The following DNAH17 variants were observed in gnomAD, a reference collection of about 807,000 sequenced individuals.
The protein encoded by DNAH17 is axonemal beta dynein heavy chain 17.
Under a neutral mutation model 485.6 loss-of-function variants are expected in DNAH17, and 376 were observed. That is an observed-to-expected ratio of 0.77 (90% CI 0.71 to 0.84). DNAH17 has a LOEUF of 0.84. Among genes scored for constraint, DNAH17 ranks in the 40% least tolerant of loss-of-function variants. DNAH17 has a pLI of 0.00. For missense variants in DNAH17, 6,370 were observed against 5,839.3 expected, an observed-to-expected ratio of 1.09 and a Z score of -2.96; for synonymous variants, 3,031 against 2,405.9, an observed-to-expected ratio of 1.26 and a Z score of -7.60.
At chr17:78,533,806 T>G (rs2091302684) in intron 19 of DNAH17, among the ~76,000 whole-genome samples, 1 of 152,248 alleles carries the variant, frequency 6.6e-6, no homozygotes, top group Non-Finnish European at 1.5e-5. Context: ...TGCCTCAGCC[T>G]CCCAAATAGC....
chr17:78,550,047 C>T (rs1364581271), intron 16 of DNAH17, among the ~76,000 whole-genome samples: 1 of 152,172 alleles, frequency 6.6e-6, no homozygotes, highest in Non-Finnish European at 1.5e-5. Context: ...CAGAGACAGA[C>T]AAGAGACCTG....
In DNAH17 at chr17:78,439,113, T is replaced by G. The variant is rs766506779; in HGVS notation, c.11782A>C (p.Lys3928Gln). Residue 3928 changes from lysine to glutamine, a missense_variant, in exon 73 of 81, where the codon AAA becomes CAA. Coordinates refer to ENST00000389840, the MANE Select transcript of DNAH17 (RefSeq NM_173628.4). ...ACCTGCAGAATGACCCAGTGTCCTT[T>G]CTCTGCAGCCACGTCCAGGGCGTTC... ...AENALDVAAEKGHWVILQNIH... is the reference protein window; with the variant it reads ...AENALDVAAEQGHWVILQNIH... 1.9e-6 allele frequency: 3 copies of G among 1,613,514 alleles called. No homozygotes were observed. In the East Asian group the frequency reaches 6.7e-5, roughly 36 times the overall value.
chr17:78,550,743 C>T (rs967011243), intron 16 of DNAH17, among the ~76,000 whole-genome samples: 4 of 150,130 alleles, frequency 2.7e-5, no homozygotes, highest in African/African-American at 9.7e-5. Context: ...CCCTAGCAAA[C>T]ACACACAGGG....
intron 35 of DNAH17, chr17:78,500,817 G>A (rs1266231994): frequency 2.2e-5 from 5 of 223,874 alleles, no homozygotes; most frequent in Non-Finnish European, 3.5e-5. Context: ...ATGGGAGAGG[G>A]CAGAAAACCT....
intron 56 of DNAH17, among the ~76,000 whole-genome samples, chr17:78,465,770 G>A (rs2088411602): frequency 7.1e-6 from 1 of 140,942 alleles, no homozygotes. Context: ...GGGGCGGTCA[G>A]CCCCCGCCAG....
intron 72 of DNAH17, 39 bp downstream of exon 72, chr17:78,441,012 A>G (rs1263466028): frequency 6.4e-7 from 1 of 1,552,444 alleles, no homozygotes; most frequent in African/African-American, 1.4e-5. Context: ...TGCTGACAAT[A>G]CTCCGTCTTT....
chr17:78,502,727 G>T (rs764412090), intron 32 of DNAH17, 29 bp from the exon 33 acceptor site: 2 of 1,602,954 alleles, frequency 1.2e-6, no homozygotes, highest in South Asian at 1.1e-5. Context: ...CATTGCCCAC[G>T]CAGTGAGCGA....
Position 78,450,314 on chromosome 17 carries a change from CAG to C in DNAH17, c.10978_10979del (p.Leu3660AlafsTer27). 1 of 1,614,038 alleles carries C rather than the reference CAG, an allele frequency of 6.2e-7. No homozygotes were observed. Among genetic ancestry groups the C allele is most frequent in the Non-Finnish European group, 8.5e-7 (1 of 1,179,890 alleles). On this transcript the variant is annotated frameshift_variant, in exon 68 of 81. Coordinates refer to ENST00000389840, the MANE Select transcript of DNAH17 (RefSeq NM_173628.4). LOFTEE classifies it high-confidence loss of function. ...NYRPAAERAS[L>X]LYFILNDLNK... ...TGAGATCGTTCAGTATGAAGTAGAG[CAG>C]AGATGCCCTCTCCGCAGCCGGGCGG...
chr17:78,558,853 C>T (rs189940537), intron 13 of DNAH17, among the ~76,000 whole-genome samples: 4 of 152,344 alleles, frequency 2.6e-5, no homozygotes, highest in African/African-American at 9.6e-5. Flanking sequence ...AAGCTATTCT[C>T]AAAGTTGAGA....
intron 75 of DNAH17, among the ~76,000 whole-genome samples, chr17:78,430,100 C>T (rs557725532): frequency 6.6e-6 from 1 of 152,230 alleles, no homozygotes; most frequent in Non-Finnish European, 1.5e-5. Context: ...CTGGAACATT[C>T]TTCTTCCTAC....
rs531411990 is a variant in DNAH17 at position 78,532,646 on chromosome 17, G to C, written c.2950C>G (p.Gln984Glu). ...INAMKEAEEY[Q>E]DSFERYSYLW... ...TAGGAGTACCTCTCAAAGGAATCCTGGTACTCCTCGGCCTCCTTCATGGCA... is the reference window on the plus strand; with the variant it reads ...TAGGAGTACCTCTCAAAGGAATCCTCGTACTCCTCGGCCTCCTTCATGGCA... The change falls in exon 20 of 81, where the codon CAG (glutamine) becomes GAG (glutamate). Residue 984 changes from glutamine to glutamate, a missense_variant. Transcript: ENST00000389840. 3.8e-6 allele frequency: 6 copies of C among 1,597,336 alleles called. No individual in the cohort carries two copies. The African/African-American group carries it at 5.3e-5, about 14-fold the overall frequency.
At chr17:78,485,167 C>G in intron 47 of DNAH17, 134 bp from the exon 48 acceptor site, 1 of 1,230,428 alleles carries the variant, frequency 8.1e-7, no homozygotes, top group African/African-American at 1.5e-5. Flanking sequence ...CCAAAGGTAC[C>G]TGCCCTGGGA....
chr17:78,545,943 TA>T (rs1169616895), intron 16 of DNAH17, among the ~76,000 whole-genome samples: 1 of 151,736 alleles, frequency 6.6e-6, no homozygotes, highest in Non-Finnish European at 1.5e-5. Flanking sequence ...CAAGGATGTA[TA>T]TATGTCTGTG....
chr17:78,441,394 C>T (rs962307268), intron 71 of DNAH17, among the ~76,000 whole-genome samples, 195 bp from the exon 72 acceptor site: 1 of 152,102 alleles, frequency 6.6e-6, no homozygotes, highest in African/African-American at 2.4e-5. Flanking sequence ...TTGCCTCGGG[C>T]ACCCTTTCTT....
In DNAH17 at chr17:78,428,274, G is replaced by A. The variant is rs1054929756; in HGVS notation, c.12588+251C>T. 6.8e-5 allele frequency: 37 copies of A among 542,574 alleles called. No homozygotes were observed. In the Middle Eastern group the frequency reaches 1.5e-3, roughly 22 times the overall value. The allele number at this position is 542,574 out of a possible 1,614,324, so 33.6% of individuals were successfully genotyped here. On this transcript the variant is annotated intron_variant, in intron 77 of 80. Coordinates refer to ENST00000389840, the MANE Select transcript of DNAH17 (RefSeq NM_173628.4). ...GGAGGGCTGGGATGCTCTTGGAGCC[G>A]CATCCACACCCCCAAGGATCCCTTT...
chr17:78,546,890 G>T (rs771580940), intron 16 of DNAH17, among the ~76,000 whole-genome samples: 1 of 146,184 alleles, frequency 6.8e-6, no homozygotes, highest in Non-Finnish European at 1.5e-5. Context: ...GGGTGACAGA[G>T]TAAGACTCCA....
chr17:78,460,209 C>T lies in DNAH17; in HGVS notation c.9388G>A (p.Glu3130Lys). Residue 3130 changes from glutamate (E) to lysine (K), a missense_variant, in exon 59 of 81, where the codon GAA becomes AAA. Coordinates refer to ENST00000389840, the MANE Select transcript of DNAH17 (RefSeq NM_173628.4). Reference protein sequence around the residue: ...KACETDLAKAEPALLAAQEAL... With the variant: ...KACETDLAKAKPALLAAQEAL... ...TCCTGGGCTGCCAGCAGGGCCGGTTCTGCTTTGGCCAGGTCTGTTTCACAG... is the reference window on the plus strand; with the variant it reads ...TCCTGGGCTGCCAGCAGGGCCGGTTTTGCTTTGGCCAGGTCTGTTTCACAG... 6.2e-7 allele frequency: 1 copy of T among 1,608,748 alleles called. No individual in the cohort carries two copies. The highest frequency in any genetic ancestry group is 8.5e-7 in the Non-Finnish European group (1 of 1,177,180).
At chr17:78,571,826 A>T in intron 3 of DNAH17, 44 bp from the exon 4 acceptor site, 1 of 1,524,658 alleles carries the variant, frequency 6.6e-7, no homozygotes, top group Non-Finnish European at 8.8e-7. Flanking sequence ...GGCGACACAC[A>T]CGTGGGTCCC....
chr17:78,576,602 G>A (rs562549487), intron 1 of DNAH17, among the ~76,000 whole-genome samples: 66 of 152,232 alleles, frequency 4.3e-4, no homozygotes, highest in African/African-American at 1.4e-3. Context: ...GACGCGTCAC[G>A]TCGTCATTTC....
Sources: gnomAD v4.1 joint callset for allele counts (sites outside exome capture counted in the v4.1 genomes callset) on GRCh38, gnomAD v4.1.1 for gene constraint, MANE v1.5 for transcripts, NCBI Gene and HGNC (gene_info 2026-07-23, HGNC 2026-07-21) for gene names.